LNX1: variants seen among roughly 807,000 people sequenced by gnomAD.
LNX1 encodes the protein ligand of numb-protein X 1, also known as E3 ubiquitin-protein ligase LNX.
In LNX1, 54 loss-of-function variants were observed where a neutral mutation model predicts 68.4. That is an observed-to-expected ratio of 0.79 (90% CI 0.63 to 0.99). The LOEUF (loss-of-function observed/expected upper bound fraction) is 0.99, where lower values mean the gene tolerates loss of function less well. LNX1 is among the 50% of genes least tolerant of loss of function. The pLI is 0.00. For missense variants in LNX1, 906 were observed against 926.4 expected, an observed-to-expected ratio of 0.98 and a Z score of 0.29; for synonymous variants, 336 against 350.0, an observed-to-expected ratio of 0.96 and a Z score of 0.45.
intron 6 of LNX1, among the ~76,000 whole-genome samples, chr4:53,493,155 G>C (rs896059288): frequency 1.3e-5 from 2 of 152,044 alleles, no homozygotes; most frequent in African/African-American, 4.8e-5. Context: ...TTTTAGTAGA[G>C]ATGGGGTTTT....
intron 2 of LNX1, among the ~76,000 whole-genome samples, chr4:53,605,331 T>C (rs1733185440): frequency 6.6e-6 from 1 of 152,186 alleles, no homozygotes. Flanking sequence ...TTAAGGTGTA[T>C]AATGTGATGT....
rs1160983215 is a variant in LNX1 at position 53,632,228 on chromosome 4, T to C, written c.-215+19940A>G. Among the ~76,000 whole-genome samples the C allele has an allele frequency of 2.0e-5, 3 of 152,164 alleles. No individual in the cohort carries two copies. In the East Asian group the frequency reaches 5.8e-4, roughly 29 times the overall value. ...GACATCAGCACTTAGAGTGGGGTTT[T>C]CAGGGACCACCAGGACAGTGGTACT... On this transcript the variant is annotated intron_variant, in intron 1 of 2. Coordinates refer to the LNX1 transcript ENST00000507168.
intron 6 of LNX1, among the ~76,000 whole-genome samples, chr4:53,491,891 G>A (rs1300743076): frequency 6.0e-5 from 9 of 150,340 alleles, no homozygotes; most frequent in Admixed American, 2.0e-4. Context: ...TTCACCTCCC[G>A]GGTTCAAGTG....
intron 2 of LNX1, among the ~76,000 whole-genome samples, chr4:53,555,264 A>G (rs1729825487): frequency 6.6e-6 from 1 of 152,154 alleles, no homozygotes; most frequent in Admixed American, 6.5e-5. Flanking sequence ...TCCAAATGAT[A>G]GTTTTTCAAG....
At chr4:53,578,034 A>G (rs1482398065) in intron 1 of LNX1, among the ~76,000 whole-genome samples, 1 of 152,182 alleles carries the variant, frequency 6.6e-6, no homozygotes, top group Non-Finnish European at 1.5e-5. Context: ...ACTGAAATGC[A>G]GAGGGTAAAT....
At chr4:53,533,954 G>A (rs888521922) in intron 2 of LNX1, among the ~76,000 whole-genome samples, 26 of 152,226 alleles carry the variant, frequency 1.7e-4, no homozygotes, top group Admixed American at 4.6e-4. Context: ...TGCACTGGCA[G>A]CCAACTGACA....
chr4:53,477,531 A>G (rs1723644182), intron 8 of LNX1, among the ~76,000 whole-genome samples: 1 of 152,214 alleles, frequency 6.6e-6, no homozygotes, highest in Non-Finnish European at 1.5e-5. Flanking sequence ...TTAAGCGCCT[A>G]CTATGTGCAG....
chr4:53,630,558 G>T (rs1273035961), intron 1 of LNX1, among the ~76,000 whole-genome samples: 3 of 152,062 alleles, frequency 2.0e-5, no homozygotes, highest in Admixed American at 6.6e-5. Flanking sequence ...CTGAAGTGCC[G>T]CCTGGTGTTC....
chr4:53,627,164 GT>G, intron 1 of LNX1, among the ~76,000 whole-genome samples: 1 of 152,322 alleles, frequency 6.6e-6, no homozygotes, highest in East Asian at 1.9e-4. Context: ...GATAATGGTG[GT>G]TTCAGGGAGA....
At chr4:53,535,529 G>A (rs577898583) in intron 2 of LNX1, among the ~76,000 whole-genome samples, 3 of 83,306 alleles carry the variant, frequency 3.6e-5, no homozygotes, top group African/African-American at 7.6e-5. Context: ...TATTTTTTAT[G>A]GCTAGATTTT....
chr4:53,632,829 A>T (rs1201501705), intron 1 of LNX1, among the ~76,000 whole-genome samples: 1 of 152,248 alleles, frequency 6.6e-6, no homozygotes, highest in Non-Finnish European at 1.5e-5. Context: ...TATCAAATGT[A>T]AAGTGGAACT....
At chr4:53,507,903 C>T (rs1726027960) in intron 3 of LNX1, 83 bp downstream of exon 3, 1 of 1,503,764 alleles carries the variant, frequency 6.6e-7, no homozygotes, top group Non-Finnish European at 8.9e-7. Context: ...AAAACATTTA[C>T]AGAACTTTCC....
chr4:53,474,110 G>A (rs1461985463), intron 9 of LNX1, among the ~76,000 whole-genome samples: 7 of 152,176 alleles, frequency 4.6e-5, no homozygotes, highest in African/African-American at 1.4e-4. Context: ...AGGCAACCTG[G>A]CGCATGGCTG....
At chr4:53,567,765 A>G (rs1577726779) in intron 2 of LNX1, among the ~76,000 whole-genome samples, 1 of 152,320 alleles carries the variant, frequency 6.6e-6, no homozygotes, top group Non-Finnish European at 1.5e-5. Context: ...TAATAAAGAA[A>G]AAAAGAGAGA....
intron 1 of LNX1, among the ~76,000 whole-genome samples, chr4:53,641,767 A>C (rs1386110862): frequency 6.6e-6 from 1 of 152,202 alleles, no homozygotes; most frequent in Non-Finnish European, 1.5e-5. Flanking sequence ...CATATAAATG[A>C]AATCAAACAT....
rs536235241 is a variant in LNX1, at chr4:53,568,137, C to A, written c.380+5486G>T. Among the ~76,000 whole-genome samples, 4 of 152,164 alleles carry A rather than the reference C, an allele frequency of 2.6e-5. No individual in the cohort carries two copies. The South Asian group carries it at 6.2e-4, about 24-fold the overall frequency. On this transcript the variant is annotated intron_variant, in intron 2 of 10. Coordinates refer to ENST00000263925, the MANE Select transcript of LNX1 (RefSeq NM_001126328.3). ...TAGAAAAAGAGGGAATCCTCCCTAACTCATTTTATGAGGCCAGCTTCATTC... is the reference window on the plus strand; with the variant it reads ...TAGAAAAAGAGGGAATCCTCCCTAAATCATTTTATGAGGCCAGCTTCATTC...
intron 2 of LNX1, among the ~76,000 whole-genome samples, chr4:53,543,912 A>C (rs1195327663): frequency 2.0e-5 from 3 of 152,240 alleles, no homozygotes; most frequent in Non-Finnish European, 4.4e-5. Flanking sequence ...AACAAACAAA[A>C]AAACAAAACA....
intron 2 of LNX1, among the ~76,000 whole-genome samples, chr4:53,543,340 T>C (rs1728886659): frequency 6.6e-6 from 1 of 152,256 alleles, no homozygotes; most frequent in African/African-American, 2.4e-5. Flanking sequence ...GCTTATTTAC[T>C]GCCCTCTCAC....
chr4:53,599,640 T>G (rs1732906811), intron 2 of LNX1, among the ~76,000 whole-genome samples: 1 of 152,156 alleles, frequency 6.6e-6, no homozygotes, highest in Non-Finnish European at 1.5e-5. Context: ...CGGGACCCCT[T>G]TCCTGTAACA....
Sources: allele counts gnomAD v4.1 joint callset (sites outside exome capture counted in the v4.1 genomes callset), GRCh38; gene constraint gnomAD v4.1.1; transcripts MANE v1.5; gene names NCBI Gene and HGNC (gene_info 2026-07-23, HGNC 2026-07-21).